The following GRIA1 variants were observed in gnomAD, a reference collection of about 807,000 sequenced individuals.
GRIA1 encodes glutamate receptor 1.
A neutral mutation model predicts 99.2 loss-of-function variants in GRIA1; 31 were observed. That is an observed-to-expected ratio of 0.31 (90% CI 0.23 to 0.42). GRIA1 has a LOEUF of 0.42. Among genes scored for constraint, GRIA1 ranks in the 10% least tolerant of loss-of-function variants. The pLI, the probability that GRIA1 is intolerant of heterozygous loss-of-function variation, is 1.00. For synonymous variants in GRIA1, 438 were observed against 432.4 expected (o/e 1.01, Z -0.16); for missense variants, 782 against 1,157.5 (o/e 0.68, Z 4.71).
At chr5:153,602,555 A>G (rs909524922) in intron 2 of GRIA1, among the ~76,000 whole-genome samples, 2 of 152,146 alleles carry the variant, frequency 1.3e-5, no homozygotes, top group African/African-American at 4.8e-5. Context: ...AGAAAATAAA[A>G]TAAGAAAAAG....
chr5:153,577,876 C>A (rs1023500416), intron 2 of GRIA1, among the ~76,000 whole-genome samples: 16 of 152,074 alleles, frequency 1.1e-4, no homozygotes, highest in Non-Finnish European at 2.2e-4. Flanking sequence ...ATTCCCCAGG[C>A]ACAGTGGCTC....
At chr5:153,792,025 A>G (rs1242627675) in intron 13 of GRIA1, among the ~76,000 whole-genome samples, 1 of 152,212 alleles carries the variant, frequency 6.6e-6, no homozygotes, top group African/African-American at 2.4e-5. Flanking sequence ...CAGAGAACAT[A>G]GCTCCAGGGA....
chr5:153,611,010 T>C (rs77492896), intron 2 of GRIA1, among the ~76,000 whole-genome samples: 21,455 of 152,156 alleles, frequency 0.14, 1,715 homozygotes, highest in Middle Eastern at 0.21. Flanking sequence ...ACTTTCTTAG[T>C]TGGATATGGG....
intron 11 of GRIA1, among the ~76,000 whole-genome samples, chr5:153,746,136 C>CACTT (rs1454396391): frequency 6.6e-6 from 1 of 152,118 alleles, no homozygotes; most frequent in East Asian, 1.9e-4. Flanking sequence ...GCTGAACTTC[C>CACTT]ACTTAATAAT....
At chr5:153,781,656 G>A (rs1455556685) in intron 13 of GRIA1, among the ~76,000 whole-genome samples, 1 of 152,112 alleles carries the variant, frequency 6.6e-6, no homozygotes, top group Non-Finnish European at 1.5e-5. Flanking sequence ...CTGATTCATG[G>A]AGAATCAGGA....
intron 8 of GRIA1, among the ~76,000 whole-genome samples, chr5:153,687,643 T>A (rs1054562074): frequency 6.6e-5 from 10 of 152,236 alleles, no homozygotes; most frequent in Non-Finnish European, 1.5e-4. Context: ...TAGCCACATG[T>A]GGCTAGTGGC....
At chr5:153,768,633 A>G (rs930036203) in intron 12 of GRIA1, among the ~76,000 whole-genome samples, 1 of 152,226 alleles carries the variant, frequency 6.6e-6, no homozygotes, top group Non-Finnish European at 1.5e-5. Context: ...CAGCTGACTC[A>G]AATGACAATT....
At chr5:153,776,459 G>A (rs1210042582) in intron 13 of GRIA1, among the ~76,000 whole-genome samples, 1 of 152,138 alleles carries the variant, frequency 6.6e-6, no homozygotes, top group Non-Finnish European at 1.5e-5. Context: ...CCTCTGAAAT[G>A]CCTACCTGGT....
At position 153,532,747 on chromosome 5, in the gene GRIA1, G is replaced by A. The variant is rs554362595; in HGVS notation, c.220+38682G>A. ...CTTGGTAAAACCTCCTGGTGTTTCC[G>A]GTTTGGGAAGTAGGCTGTAGAGTCA... On this transcript the variant is annotated intron_variant, in intron 2 of 15. Transcript: ENST00000285900. Among the ~76,000 whole-genome samples the A allele has an allele frequency of 1.3e-3, 194 of 152,250 alleles. 1 individual carries two copies. Among genetic ancestry groups the A allele is most frequent in the African/African-American group, 4.2e-3 (175 of 41,534 alleles).
chr5:153,741,606 A>G (rs1761793541), intron 11 of GRIA1, among the ~76,000 whole-genome samples: 2 of 152,232 alleles, frequency 1.3e-5, no homozygotes, highest in African/African-American at 4.8e-5. Flanking sequence ...ATACAACAAC[A>G]TGGATGAACC....
chr5:153,751,810 C>G (rs1382023135), intron 11 of GRIA1, among the ~76,000 whole-genome samples: 1 of 152,220 alleles, frequency 6.6e-6, no homozygotes, highest in African/African-American at 2.4e-5. Flanking sequence ...ACGATACATA[C>G]ACTATTTTGT....
chr5:153,570,705 A>T (rs927317801), intron 2 of GRIA1, among the ~76,000 whole-genome samples: 2 of 152,170 alleles, frequency 1.3e-5, no homozygotes, highest in African/African-American at 4.8e-5. Context: ...CGGTTTTCTC[A>T]TCTGTAAAAT....
chr5:153,786,133 T>G (rs1764951019), intron 13 of GRIA1, among the ~76,000 whole-genome samples: 1 of 152,230 alleles, frequency 6.6e-6, no homozygotes, highest in Non-Finnish European at 1.5e-5. Context: ...TCATTCACTC[T>G]GCTGAGTGTA....
intron 11 of GRIA1, among the ~76,000 whole-genome samples, chr5:153,762,241 A>G (rs1242769564): frequency 6.6e-6 from 1 of 152,216 alleles, no homozygotes; most frequent in Non-Finnish European, 1.5e-5. Flanking sequence ...ATCATTATAT[A>G]ATGTATACAT....
At chr5:153,806,413 G>A (rs895916253) in intron 15 of GRIA1, among the ~76,000 whole-genome samples, 15 of 151,988 alleles carry the variant, frequency 9.9e-5, no homozygotes, top group African/African-American at 3.1e-4. Flanking sequence ...CTACAGTCAC[G>A]TGCCACTACA....
At chr5:153,649,798 A>G (rs377214906) in intron 3 of GRIA1, among the ~76,000 whole-genome samples, 32 of 152,306 alleles carry the variant, frequency 2.1e-4, no homozygotes, top group African/African-American at 7.5e-4. Flanking sequence ...TGTGTGAGAG[A>G]CAAAGTATTA....
chr5:153,548,004 T>G (rs1759767407), intron 2 of GRIA1, among the ~76,000 whole-genome samples: 1 of 152,208 alleles, frequency 6.6e-6, no homozygotes, highest in Non-Finnish European at 1.5e-5. Context: ...TATTGTGACA[T>G]TGTCTTTTGG....
intron 2 of GRIA1, among the ~76,000 whole-genome samples, chr5:153,515,533 C>G (rs1756533173): frequency 6.6e-6 from 1 of 152,112 alleles, no homozygotes; most frequent in Non-Finnish European, 1.5e-5. Context: ...GGAATAAGTT[C>G]TGGTGAGATA....
chr5:153,634,411 G>A (rs967770025), intron 2 of GRIA1, among the ~76,000 whole-genome samples: 18 of 152,074 alleles, frequency 1.2e-4, no homozygotes, highest in Admixed American at 1.2e-3. Flanking sequence ...TGAAGAATGC[G>A]AAGGGGTCAG....
Sources: allele counts gnomAD v4.1 joint callset (sites outside exome capture counted in the v4.1 genomes callset), GRCh38; gene constraint gnomAD v4.1.1; transcripts MANE v1.5; gene names NCBI Gene and HGNC (gene_info 2026-07-23, HGNC 2026-07-21).